Variants in CALD1 observed in about 807,000 individuals in gnomAD.
The protein encoded by CALD1 is caldesmon.
In CALD1, 33 loss-of-function variants were observed where a neutral mutation model predicts 99.9. The ratio of observed to expected loss-of-function variants is 0.33; its 90% CI spans 0.25 to 0.44. The LOEUF (loss-of-function observed/expected upper bound fraction) is 0.44, where lower values mean the gene tolerates loss of function less well. Ranked by LOEUF, CALD1 falls within the 20% of genes least tolerant of loss-of-function variation. The pLI, the probability that CALD1 is intolerant of heterozygous loss-of-function variation, is 1.00. For missense variants in CALD1, 861 were observed against 962.1 expected, an observed-to-expected ratio of 0.89 and a Z score of 1.39; for synonymous variants, 310 against 325.0, an observed-to-expected ratio of 0.95 and a Z score of 0.50.
At chr7:134,880,128 C>T (rs1472781989) in intron 3 of CALD1, among the ~76,000 whole-genome samples, 1 of 152,168 alleles carries the variant, frequency 6.6e-6, no homozygotes, top group East Asian at 1.9e-4. Flanking sequence ...TGACGGTTTC[C>T]AGCAGATTGT....
At chr7:134,966,038 A>G (rs1481500882) in intron 14 of CALD1, among the ~76,000 whole-genome samples, 1 of 152,094 alleles carries the variant, frequency 6.6e-6, no homozygotes, top group African/African-American at 2.4e-5. Flanking sequence ...AGCTCATTCA[A>G]CTCCCAACTG....
chr7:134,808,492 A>G (rs141577739), intron 1 of CALD1, among the ~76,000 whole-genome samples: 1 of 152,290 alleles, frequency 6.6e-6, no homozygotes, highest in East Asian at 1.9e-4. Flanking sequence ...CAATATTCTA[A>G]TGGCAGAGCC....
At chr7:134,913,457 T>G (rs1056349620) in intron 3 of CALD1, among the ~76,000 whole-genome samples, 1 of 152,262 alleles carries the variant, frequency 6.6e-6, no homozygotes, top group Non-Finnish European at 1.5e-5. Flanking sequence ...TGTTTTATTG[T>G]CATTCTGTCC....
chr7:134,862,807 G>A (rs1467672306), intron 2 of CALD1, among the ~76,000 whole-genome samples: 1 of 152,108 alleles, frequency 6.6e-6, no homozygotes, highest in Non-Finnish European at 1.5e-5. Flanking sequence ...AAGTTTCCTA[G>A]GGCTGCCATA....
At chr7:134,856,453 T>C (rs747399552) in intron 2 of CALD1, among the ~76,000 whole-genome samples, 1 of 152,132 alleles carries the variant, frequency 6.6e-6, no homozygotes, top group Non-Finnish European at 1.5e-5. Flanking sequence ...TTACTGAGCA[T>C]GGTTAGAGAG....
chr7:134,958,036 T>A (rs1329002710), intron 9 of CALD1, 33 bp from the exon 10 acceptor site: 1 of 1,497,632 alleles, frequency 6.7e-7, no homozygotes, highest in Non-Finnish European at 9.3e-7. Flanking sequence ...GCTTGAAATA[T>A]TAATTGGGTT....
At chr7:134,879,297 T>C (rs1321143892) in intron 3 of CALD1, among the ~76,000 whole-genome samples, 2 of 152,246 alleles carry the variant, frequency 1.3e-5, no homozygotes, top group African/African-American at 4.8e-5. Context: ...TGAATCAGGT[T>C]AAAGAGGAAT....
intron 5 of CALD1, among the ~76,000 whole-genome samples, chr7:134,934,937 G>A (rs1008281676): frequency 6.6e-6 from 1 of 151,890 alleles, no homozygotes; most frequent in Admixed American, 6.6e-5. Context: ...AAATTAACTG[G>A]TAATAAAGAG....
intron 2 of CALD1, among the ~76,000 whole-genome samples, chr7:134,867,235 ATTATT>A (rs1411480815): frequency 6.6e-6 from 1 of 152,186 alleles, no homozygotes; most frequent in Non-Finnish European, 1.5e-5. Flanking sequence ...TAGACACTGT[ATTATT>A]TTATTTCTCG....
intron 1 of CALD1, among the ~76,000 whole-genome samples, chr7:134,832,826 G>A (rs1799284714): frequency 6.6e-6 from 1 of 152,150 alleles, no homozygotes; most frequent in Non-Finnish European, 1.5e-5. Context: ...ACATAATGTA[G>A]TTGTAGCTCT....
At chr7:134,789,438 G>A (rs1239688787) in intron 1 of CALD1, among the ~76,000 whole-genome samples, 1 of 152,160 alleles carries the variant, frequency 6.6e-6, no homozygotes, top group Non-Finnish European at 1.5e-5. Flanking sequence ...ATCTATTTGA[G>A]AACAAACTTT....
intron 3 of CALD1, chr7:134,899,800 C>T (rs1802855819): frequency 6.6e-6 from 1 of 152,186 alleles, no homozygotes; most frequent in Admixed American, 6.6e-5. Context: ...CTTGCCACCA[C>T]TCCTAGTTAA....
Position 134,888,341 on chromosome 7 carries a change from C to T in CALD1, c.71+20537C>T, listed in dbSNP as rs540184068. Among the ~76,000 whole-genome samples the T allele has an allele frequency of 9.2e-5, 14 of 152,342 alleles. No homozygotes were observed. In the East Asian group the frequency reaches 2.7e-3, roughly 29 times the overall value. ...CTTGTTCATGGTGCCAATGAATAGT[C>T]ATTAGTTCACTTCTCAGAGACACCA... On this transcript the variant is annotated intron_variant, in intron 3 of 14. Coordinates refer to ENST00000361675, the MANE Select transcript of CALD1 (RefSeq NM_033138.4).
chr7:134,832,613 C>T (rs1334987098), intron 1 of CALD1, among the ~76,000 whole-genome samples: 1 of 152,168 alleles, frequency 6.6e-6, no homozygotes, highest in Non-Finnish European at 1.5e-5. Context: ...AGCCTAAGAA[C>T]ATAATAAGGG....
At chr7:134,718,580 G>A in the CALD1 span, among the ~76,000 whole-genome samples, 1 of 152,128 alleles carries the variant, frequency 6.6e-6, no homozygotes, top group Non-Finnish European at 1.5e-5. Context: ...TGGGAGCAGA[G>A]ACAAGTAGTA....
intron 1 of CALD1, among the ~76,000 whole-genome samples, chr7:134,819,063 G>A (rs1241233230): frequency 6.6e-6 from 1 of 152,128 alleles, no homozygotes; most frequent in East Asian, 1.9e-4. Flanking sequence ...CTCTGCGAGT[G>A]TTTCTGATTT....
chr7:134,918,753 T>C (rs988312830), intron 3 of CALD1, among the ~76,000 whole-genome samples: 2 of 152,208 alleles, frequency 1.3e-5, no homozygotes, highest in Non-Finnish European at 2.9e-5. Flanking sequence ...CCCAGAACTT[T>C]GGGAGGCCAA....
At position 134,969,247 on chromosome 7, in the gene CALD1, G is replaced by C. The variant is rs1307137743; in HGVS notation, c.*902G>C. ...TTCAATGCCTGATGACCTATAAGAA[G>C]AAAGTATTGAAAAGAAGAGAGATTA... On this transcript the variant is annotated 3_prime_UTR_variant, in exon 15 of 15. Coordinates refer to ENST00000361675, the MANE Select transcript of CALD1 (RefSeq NM_033138.4). 6.6e-6 allele frequency: 1 copy of C among 152,232 alleles called. No homozygotes were observed. The highest frequency in any genetic ancestry group is 1.5e-5 in the Non-Finnish European group (1 of 68,022). 9.4% of individuals were successfully genotyped at this position (152,232 alleles called of 1,614,324 possible).
At chr7:134,809,656 T>C (rs1798281293) in intron 1 of CALD1, 1 of 152,228 alleles carries the variant, frequency 6.6e-6, no homozygotes, top group Non-Finnish European at 1.5e-5. Context: ...TTATTGTCAG[T>C]TTTAGTCATA....
Sources: gnomAD v4.1 joint callset for allele counts (sites outside exome capture counted in the v4.1 genomes callset) on GRCh38, gnomAD v4.1.1 for gene constraint, MANE v1.5 for transcripts, NCBI Gene and HGNC (gene_info 2026-07-23, HGNC 2026-07-21) for gene names.